Variants in RAB3GAP2 observed in about 807,000 individuals in gnomAD.
RAB3GAP2 encodes RAB3 GTPase activating non-catalytic protein subunit 2.
A neutral mutation model predicts 185.3 loss-of-function variants in RAB3GAP2; 87 were observed. That is an observed-to-expected ratio of 0.47 (90% CI 0.39 to 0.56). The LOEUF (loss-of-function observed/expected upper bound fraction) is 0.56. Among genes scored for constraint, RAB3GAP2 ranks in the 20% least tolerant of loss-of-function variants. RAB3GAP2 has a pLI of 0.00. For missense variants in RAB3GAP2, 1,492 were observed against 1,638.2 expected (o/e 0.91, Z 1.54); for synonymous variants, 554 against 576.1 (o/e 0.96, Z 0.55).
chr1:220,255,185 T>C (rs1194959692), intron 1 of RAB3GAP2, among the ~76,000 whole-genome samples: 2 of 151,400 alleles, frequency 1.3e-5, no homozygotes, highest in Non-Finnish European at 2.9e-5. Flanking sequence ...CTTCAATAAA[T>C]TTTTTCTTTA....
Position 220,167,663 on chromosome 1 carries a change from T to C in RAB3GAP2, c.2819A>G (p.Asp940Gly), listed in dbSNP as rs1658095416. The stretch of plus-strand genomic sequence containing the variant: ...TTTAAATATCCACTTGGCTACACTG[T>C]CTGCAATGCCACCTATAGTTTGGAG... The part of the protein sequence containing the change: ...LLEGGKGGIA[D>G]SVAKWIFKQD... Residue 940 changes from aspartate (D) to glycine (G), a missense_variant, in exon 25 of 35, where the codon GAC becomes GGC. Around this residue, in one of 5 missense-constraint regions of RAB3GAP2, gnomAD observed 681 missense variants for 689.1 expected, o/e 0.99. Transcript: ENST00000358951. 1 of 1,613,752 alleles carries C rather than the reference T, an allele frequency of 6.2e-7. No homozygotes were observed. The highest frequency in any genetic ancestry group is 1.3e-5 in the African/African-American group (1 of 74,928).
intron 31 of RAB3GAP2, 83 bp from the exon 32 acceptor site, chr1:220,154,140 A>ACAGG: frequency 6.4e-7 from 1 of 1,555,906 alleles, no homozygotes; most frequent in South Asian, 1.2e-5. Flanking sequence ...AAACTTAATA[A>ACAGG]TAACTTATGG....
intron 1 of RAB3GAP2, among the ~76,000 whole-genome samples, chr1:220,271,950 C>A (rs1368034389): frequency 2.0e-5 from 3 of 150,240 alleles, no homozygotes; most frequent in African/African-American, 7.4e-5. Context: ...AGGGAGAAAG[C>A]GGTGATAGGC....
At chr1:220,205,427 T>C (rs1658946372) in intron 8 of RAB3GAP2, among the ~76,000 whole-genome samples, 1 of 152,074 alleles carries the variant, frequency 6.6e-6, no homozygotes, top group African/African-American at 2.4e-5. Flanking sequence ...GGATCTTGCA[T>C]CTCCCTTGCA....
At chr1:220,227,240 C>G (rs1259660349) in intron 2 of RAB3GAP2, among the ~76,000 whole-genome samples, 1 of 152,154 alleles carries the variant, frequency 6.6e-6, no homozygotes, top group East Asian at 1.9e-4. Context: ...TGTACACTTC[C>G]TTGGACATAG....
chr1:220,247,462 A>T (rs1477790480), intron 1 of RAB3GAP2, among the ~76,000 whole-genome samples: 1 of 152,222 alleles, frequency 6.6e-6, no homozygotes, highest in East Asian at 1.9e-4. Context: ...AGCACCTTGG[A>T]TGGAGCTGGA....
chr1:220,200,641 G>A, intron 9 of RAB3GAP2: 1 of 526,272 alleles, frequency 1.9e-6, no homozygotes, highest in South Asian at 1.4e-5. Flanking sequence ...TAACAGAGCA[G>A]GGAAGCTACC....
chr1:220,205,192 A>G (rs1043905007), intron 8 of RAB3GAP2, among the ~76,000 whole-genome samples: 10 of 152,208 alleles, frequency 6.6e-5, no homozygotes, highest in Admixed American at 3.3e-4. Flanking sequence ...ATTTGATGAA[A>G]TATCTCTTCC....
rs587777169 is a variant in RAB3GAP2 at position 220,153,976 on chromosome 1, G to C, written c.3637C>G (p.Arg1213Gly). ...GEMDPNFISV[R>G]QQFLLKVVSA... Reference sequence around the variant, plus strand: ...CAATAGCTATAATTTACCTGTTGTCGTACAGAAATAAAATTTGGATCCATT... The same window carrying C: ...CAATAGCTATAATTTACCTGTTGTCCTACAGAAATAAAATTTGGATCCATT... Residue 1213 changes from arginine (R) to glycine (G), a missense_variant, in exon 32 of 35, where the codon CGA (arginine) becomes GGA (glycine). Coordinates refer to ENST00000358951, the MANE Select transcript of RAB3GAP2 (RefSeq NM_012414.4). 6.2e-7 allele frequency: 1 copy of C among 1,612,842 alleles called. No individual in the cohort carries two copies. Among genetic ancestry groups the C allele is most frequent in the Non-Finnish European group, 8.5e-7 (1 of 1,179,562 alleles).
chr1:220,194,952 T>A (rs1658695291), intron 12 of RAB3GAP2, 126 bp downstream of exon 12: 1 of 951,152 alleles, frequency 1.1e-6, no homozygotes, highest in South Asian at 1.3e-5. Flanking sequence ...GAAAAGAAAT[T>A]CCACTGTAAT....
intron 27 of RAB3GAP2, among the ~76,000 whole-genome samples, chr1:220,163,953 C>G (rs770617384): frequency 6.6e-6 from 1 of 151,692 alleles, no homozygotes; most frequent in South Asian, 2.1e-4. Context: ...CTCCTCTTAC[C>G]CAGCCTAACA....
At chr1:220,212,801 A>C in intron 4 of RAB3GAP2, 86 bp downstream of exon 4, 1 of 1,164,332 alleles carries the variant, frequency 8.6e-7, no homozygotes, top group Non-Finnish European at 1.3e-6. Flanking sequence ...TCAAATAATG[A>C]AACTTTTTAA....
chr1:220,184,452 C>A (rs1409143906), intron 18 of RAB3GAP2, among the ~76,000 whole-genome samples: 7 of 151,986 alleles, frequency 4.6e-5, no homozygotes, highest in Non-Finnish European at 8.8e-5. Flanking sequence ...TCTGGAAATA[C>A]CTTTGAAAAT....
rs1657696061 is a variant in RAB3GAP2 at position 220,149,290 on chromosome 1, AG to A, written c.*1960del. 1 of 152,152 alleles carries A rather than the reference AG, an allele frequency of 6.6e-6. No homozygotes were observed. The highest frequency in any genetic ancestry group is 2.1e-4 in the South Asian group (1 of 4,836). The allele number at this position is 152,152 out of a possible 1,614,324, so 9.4% of individuals were successfully genotyped here. A position where few individuals can be genotyped will look rare whatever the true frequency, so the allele number is the denominator to read the frequency against. On this transcript the variant is annotated 3_prime_UTR_variant, in exon 35 of 35. Transcript: ENST00000358951. ...AACTAGAGACTTAATGATTTGTGTT[AG>A]GATTCTGTGAGCCATACTTCAGCTT...
rs780594685 is a variant in RAB3GAP2, at chr1:220,151,421, C to CA, written c.4027-16dup. ...TCCTGGGGGTCCTGCAAATGGGACA[C>CA]AAAAATAACCTATTATAGACAACTA... On this transcript the variant is annotated splice_polypyrimidine_tract_variant and intron_variant, in intron 34 of 34. Transcript: ENST00000358951. 20 of 1,614,020 alleles carry CA rather than the reference C, an allele frequency of 1.2e-5. No homozygotes were observed. The highest frequency in any genetic ancestry group is 1.7e-5 in the Non-Finnish European group (20 of 1,179,930).
Position 220,153,266 on chromosome 1 carries a change from G to A in RAB3GAP2, c.3786C>T (p.His1262=). 1.2e-6 allele frequency: 2 copies of A among 1,614,132 alleles called. No homozygotes were observed. The highest frequency in any genetic ancestry group is 1.7e-6 in the Non-Finnish European group (2 of 1,179,980). Residue 1262 remains histidine, a synonymous_variant, in exon 33 of 35, where the codon CAC becomes CAT. Transcript: ENST00000358951. ...WPALAVDLAH[H]LQVSEDVVRR... ...TAACAACATCTTCACTAACTTGAAG[G>A]TGATGGGCTAAATCCACAGCTAGAG...
At chr1:220,182,175 T>G (rs1023130251) in intron 21 of RAB3GAP2, 82 bp downstream of exon 21, 1 of 1,587,512 alleles carries the variant, frequency 6.3e-7, no homozygotes, top group African/African-American at 1.4e-5. Context: ...TAAAAGACAA[T>G]AGTTAAAAAA....
intron 26 of RAB3GAP2, among the ~76,000 whole-genome samples, chr1:220,166,824 G>C (rs1032756158): frequency 6.6e-6 from 1 of 152,164 alleles, no homozygotes; most frequent in African/African-American, 2.4e-5. Flanking sequence ...TCAGACACTA[G>C]GTTGATCTCA....
chr1:220,157,293 G>C lies in RAB3GAP2; in HGVS notation c.3532C>G (p.Pro1178Ala), dbSNP rs766274857. 6.2e-7 allele frequency: 1 copy of C among 1,613,708 alleles called. No homozygotes were observed. The highest frequency in any genetic ancestry group is 1.3e-5 in the African/African-American group (1 of 74,802). ...VMRFSLKTVKPLSLFDSKGKN... is the reference protein window; with the variant it reads ...VMRFSLKTVKALSLFDSKGKN... The stretch of plus-strand genomic sequence containing the variant: ...ACCTTACTGTCAAAAAGTGAAAGTG[G>C]CTTCACGGTCTTCAGAGAAAACCTC... Residue 1178 changes from proline (P) to alanine (A), a missense_variant, in exon 31 of 35, where the codon CCA (proline) becomes GCA (alanine). Coordinates refer to ENST00000358951, the MANE Select transcript of RAB3GAP2 (RefSeq NM_012414.4).
Sources: gnomAD v4.1 joint callset for allele counts (sites outside exome capture counted in the v4.1 genomes callset) on GRCh38, gnomAD v4.1.1 for gene constraint, gnomAD v4.1.1 regional missense constraint, MANE v1.5 for transcripts, NCBI Gene and HGNC (gene_info 2026-07-23, HGNC 2026-07-21) for gene names.